The following WDR33 variants were observed in gnomAD, a reference collection of about 807,000 sequenced individuals.
WDR33 encodes WD repeat domain 33.
WDR33 carries 47 observed loss-of-function variants against 164.9 expected under a neutral mutation model. The ratio of observed to expected loss-of-function variants is 0.29; its 90% confidence interval spans 0.23 to 0.36. WDR33 has a LOEUF of 0.36. Ranked by LOEUF, WDR33 falls within the 10% of genes least tolerant of loss-of-function variation. WDR33 has a pLI of 1.00. For synonymous variants in WDR33, 505 were observed against 589.0 expected (o/e 0.86, Z 2.06); for missense variants, 1,137 against 1,754.1 (o/e 0.65, Z 6.28).
At chr2:127,778,208 G>A (rs1688251243) in intron 1 of WDR33, among the ~76,000 whole-genome samples, 1 of 152,038 alleles carries the variant, frequency 6.6e-6, no homozygotes, top group Non-Finnish European at 1.5e-5. Flanking sequence ...GGCCGAGGTG[G>A]GTGGGATCAC....
chr2:127,735,286 C>T lies in WDR33; in HGVS notation c.725-8509G>A. ...CTCCTCCACCTGATCACCCCTCCTCCACCTCATCAGATCCTAAGGAACCTG... is the reference window on the plus strand; with the variant it reads ...CTCCTCCACCTGATCACCCCTCCTCTACCTCATCAGATCCTAAGGAACCTG... On this transcript the variant is annotated intron_variant, in intron 7 of 21. Transcript: ENST00000322313. The surrounding 1 kb of genome is among the most constrained non-coding windows in gnomAD (Gnocchi z 4.3). 1 of 740,218 alleles carries T rather than the reference C, an allele frequency of 1.4e-6. No individual in the cohort carries two copies. Among genetic ancestry groups the T allele is most frequent in the Non-Finnish European group, 1.6e-6 (1 of 606,296 alleles). 45.9% of individuals were successfully genotyped at this position (740,218 alleles called of 1,614,324 possible). A position where few individuals can be genotyped will look rare whatever the true frequency, so the allele number is the denominator to read the frequency against.
Position 127,763,998 on chromosome 2 carries a change from A to C in WDR33, c.626+830T>G. The C allele has an allele frequency of 1.0e-6, 1 of 986,174 alleles. No homozygotes were observed. 61.1% of individuals were successfully genotyped at this position (986,174 alleles called of 1,614,324 possible). A position where few individuals can be genotyped will look rare whatever the true frequency, so the allele number is the denominator to read the frequency against. On this transcript the variant is annotated intron_variant, in intron 6 of 21. Transcript: ENST00000322313. The surrounding 1 kb of genome is among the most constrained non-coding windows in gnomAD (Gnocchi z 4.5). ...TATGAACAAATGACTACAGTGGATG[A>C]TGTTTCCATAAAGATGTCAACCTCC...
chr2:127,752,738 T>G (rs1261760168), intron 7 of WDR33, among the ~76,000 whole-genome samples: 3 of 152,154 alleles, frequency 2.0e-5, no homozygotes, highest in Admixed American at 6.5e-5. Context: ...ACAAAACATT[T>G]CTGAAGAAAT....
chr2:127,778,204 G>C (rs914005868), intron 1 of WDR33, among the ~76,000 whole-genome samples: 1 of 152,058 alleles, frequency 6.6e-6, no homozygotes, highest in Non-Finnish European at 1.5e-5. Context: ...GGGAGGCCGA[G>C]GTGGGTGGGA....
intron 7 of WDR33, among the ~76,000 whole-genome samples, chr2:127,732,784 G>A (rs1686742882): frequency 6.6e-6 from 1 of 152,150 alleles, no homozygotes; most frequent in African/African-American, 2.4e-5. Context: ...GTTTTGTGAA[G>A]AGGCAAACCG....
At position 127,724,894 on chromosome 2, in the gene WDR33, G is replaced by C. The variant is rs1004921795; in HGVS notation, c.1078C>G (p.His360Asp). The change falls in exon 10 of 22, where the codon CAT becomes GAT. Residue 360 changes from histidine to aspartate, a missense_variant. Coordinates refer to ENST00000322313, the MANE Select transcript of WDR33 (RefSeq NM_018383.5). The surrounding 1 kb of genome is among the most constrained non-coding windows in gnomAD (Gnocchi z 4.8). ...CACATAAATCTTACATACCCAACAT[G>C]CCAGAATAACAAAGAACCATCAGAC... ...GGSDGSLLFW[H>D]VGVEKEVGGM... is the part of the protein sequence containing the mutation. 1 of 1,613,970 alleles carries C rather than the reference G, an allele frequency of 6.2e-7. No homozygotes were observed. The highest frequency in any genetic ancestry group is 1.3e-5 in the African/African-American group (1 of 74,900).
chr2:127,762,066 A>G (rs895597469), intron 7 of WDR33, among the ~76,000 whole-genome samples: 2 of 152,206 alleles, frequency 1.3e-5, no homozygotes, highest in Non-Finnish European at 2.9e-5. Flanking sequence ...TTCAACCAAG[A>G]CAACGATCTC....
At chr2:127,787,977 C>T (rs1328157428) in intron 1 of WDR33, among the ~76,000 whole-genome samples, 1 of 60,748 alleles carries the variant, frequency 1.6e-5, no homozygotes, top group Non-Finnish European at 3.1e-5. Flanking sequence ...CGGGCAGAGG[C>T]GCCCCTCACC....
At chr2:127,754,573 C>A (rs111816088) in intron 7 of WDR33, among the ~76,000 whole-genome samples, 11 of 150,526 alleles carry the variant, frequency 7.3e-5, no homozygotes, top group Non-Finnish European at 1.6e-4. Context: ...TGCATGCCAC[C>A]ATGTTTTTCA....
intron 1 of WDR33, among the ~76,000 whole-genome samples, chr2:127,789,810 T>A (rs539440229): frequency 3.3e-4 from 50 of 152,070 alleles, no homozygotes; most frequent in Middle Eastern, 3.4e-3. Flanking sequence ...CAGACTGAAG[T>A]AAATCCTTTC....
At chr2:127,800,530 G>A (rs924487448) in intron 1 of WDR33, among the ~76,000 whole-genome samples, 6 of 151,556 alleles carry the variant, frequency 4.0e-5, no homozygotes, top group African/African-American at 9.7e-5. Context: ...CCAACTACTC[G>A]AGAGGCTGAG....
intron 1 of WDR33, among the ~76,000 whole-genome samples, chr2:127,810,547 T>G (rs1009871832): frequency 7.2e-4 from 109 of 152,324 alleles, no homozygotes; most frequent in Admixed American, 1.2e-3. Context: ...AGCTGTAGCC[T>G]CATCCTTATA....
chr2:127,722,177 T>A lies in WDR33; in HGVS notation c.1519-189A>T, dbSNP rs1686457331. Among the ~76,000 whole-genome samples the A allele has an allele frequency of 6.6e-6, 1 of 152,164 alleles. No homozygotes were observed. Among genetic ancestry groups the A allele is most frequent in the Non-Finnish European group, 1.5e-5 (1 of 68,026 alleles). ...TTACTGACATATTACTAGGTAGAAA[T>A]TACTATGGTGATAAAAGCTGCAAGA... On this transcript the variant is annotated intron_variant, in intron 14 of 21. Transcript: ENST00000322313. The surrounding 1 kb of genome is among the most constrained non-coding windows in gnomAD (Gnocchi z 5.1).
chr2:127,763,699 A>C lies in WDR33; in HGVS notation c.627-540T>G. Reference sequence around the variant, plus strand: ...TAGAAAAGTTTCACATCTTCCTGGCAAGCTATTCCATGAATGTTGCACCTT... The same window carrying C: ...TAGAAAAGTTTCACATCTTCCTGGCCAGCTATTCCATGAATGTTGCACCTT... On this transcript the variant is annotated intron_variant, in intron 6 of 21. Coordinates refer to ENST00000322313, the MANE Select transcript of WDR33 (RefSeq NM_018383.5). The surrounding 1 kb of genome is among the most constrained non-coding windows in gnomAD (Gnocchi z 4.5). 1 of 985,770 alleles carries C rather than the reference A, an allele frequency of 1.0e-6. No individual in the cohort carries two copies. The highest frequency in any genetic ancestry group is 1.2e-6 in the Non-Finnish European group (1 of 830,198). The allele number at this position is 985,770 out of a possible 1,614,324, so 61.1% of individuals were successfully genotyped here.
Position 127,701,405 on chromosome 2 carries a change from G to T in WDR33, c.*4918C>A. 2 of 997,388 alleles carry T rather than the reference G, an allele frequency of 2.0e-6. No homozygotes were observed. The highest frequency in any genetic ancestry group is 2.6e-6 in the Non-Finnish European group (2 of 777,832). 61.8% of individuals were successfully genotyped at this position (997,388 alleles called of 1,614,324 possible). On this transcript the variant is annotated 3_prime_UTR_variant, in exon 22 of 22. Coordinates refer to ENST00000322313, the MANE Select transcript of WDR33 (RefSeq NM_018383.5). ...GCAGAGCAGGCACCGCGGCACTTCCGCGAGCGCCGCAGGCCCTGCCCCTTT... is the reference window on the plus strand; with the variant it reads ...GCAGAGCAGGCACCGCGGCACTTCCTCGAGCGCCGCAGGCCCTGCCCCTTT...
intron 7 of WDR33, among the ~76,000 whole-genome samples, chr2:127,731,162 A>T (rs1168660691): frequency 6.6e-6 from 1 of 151,800 alleles, no homozygotes; most frequent in African/African-American, 2.4e-5. Flanking sequence ...GGGCATGGTG[A>T]TGCATGCCTG....
In WDR33 at chr2:127,721,771, CAATAAA is replaced by C; in HGVS notation, c.1671+59_1671+64del. Reference sequence around the variant, plus strand: ...CCTTCCCTTTTCCTTAAGAGCCTATCAATAAAAATGTCACCACTACCCTCTTAGATC... The same window carrying C: ...CCTTCCCTTTTCCTTAAGAGCCTATCAATGTCACCACTACCCTCTTAGATC... On this transcript the variant is annotated intron_variant, in intron 15 of 21. Transcript: ENST00000322313. The surrounding 1 kb of genome is among the most constrained non-coding windows in gnomAD (Gnocchi z 4.9). 2 of 1,497,606 alleles carry C rather than the reference CAATAAA, an allele frequency of 1.3e-6. No individual in the cohort carries two copies. The highest frequency in any genetic ancestry group is 1.8e-6 in the Non-Finnish European group (2 of 1,121,668). The allele number at this position is 1,497,606 out of a possible 1,614,324, so 92.8% of individuals were successfully genotyped here.
In WDR33 at chr2:127,782,475, T is replaced by C. The variant is rs187733921; in HGVS notation, c.-23-11471A>G. Among the ~76,000 whole-genome samples the C allele has an allele frequency of 3.8e-3, 580 of 152,290 alleles. 2 individuals are homozygous for C. The highest frequency in any genetic ancestry group is 7.3e-3 in the South Asian group (35 of 4,826). ...TAACCAAATGTGGCAGTTTTCTAGC[T>C]TTCTAGCGTTCAGGTACGGCCTTAG... On this transcript the variant is annotated intron_variant, in intron 1 of 21. Coordinates refer to ENST00000322313, the MANE Select transcript of WDR33 (RefSeq NM_018383.5).
At position 127,712,400 on chromosome 2, in the gene WDR33, G is replaced by GAA. The variant is rs202140924; in HGVS notation, c.3308+1181_3308+1182dup. Among the ~76,000 whole-genome samples, 5 of 104,976 alleles carry GAA rather than the reference G, an allele frequency of 4.8e-5. No individual in the cohort carries two copies. The highest frequency in any genetic ancestry group is 4.2e-5 in the Non-Finnish European group (2 of 48,112). 68.9% of individuals were successfully genotyped at this position (104,976 alleles called of 152,430 possible). On this transcript the variant is annotated intron_variant, in intron 18 of 21. Coordinates refer to ENST00000322313, the MANE Select transcript of WDR33 (RefSeq NM_018383.5). This position sits in a 1 kb window ranked among gnomAD's most constrained non-coding sequence, Gnocchi z 4.0. Reference sequence around the variant, plus strand: ...ACAGAGCAAGACTCCGTCTCAAGAAGAAAAAAAAAAAAAAAGAAATGGGAT... The same window carrying GAA: ...ACAGAGCAAGACTCCGTCTCAAGAAGAAAAAAAAAAAAAAAAAGAAATGGGAT...
Sources: gnomAD v4.1 joint callset for allele counts (sites outside exome capture counted in the v4.1 genomes callset) on GRCh38, gnomAD v4.1.1 for gene constraint, Gnocchi (gnomAD v3.1) non-coding constraint, MANE v1.5 for transcripts, NCBI Gene and HGNC (gene_info 2026-07-23, HGNC 2026-07-21) for gene names.